Variants in PTPRT observed in about 807,000 individuals in gnomAD.
PTPRT encodes receptor-type tyrosine-protein phosphatase T.
In PTPRT, 56 loss-of-function variants were observed where a neutral mutation model predicts 176.8. That is an observed-to-expected ratio of 0.32 (90% CI 0.26 to 0.40). PTPRT has a LOEUF of 0.40. Ranked by LOEUF, PTPRT falls within the 10% of genes least tolerant of loss-of-function variation. The pLI is 1.00. For missense variants in PTPRT, 1,540 were observed against 1,908.2 expected (o/e 0.81, Z 3.60); for synonymous variants, 783 against 739.0 (o/e 1.06, Z -0.96).
chr20:43,084,188 T>A (rs1283511044), intron 1 of PTPRT, among the ~76,000 whole-genome samples: 1 of 152,202 alleles, frequency 6.6e-6, no homozygotes, highest in Non-Finnish European at 1.5e-5. Flanking sequence ...ACTGCCGAAC[T>A]GTTTTTCCAA....
intron 7 of PTPRT, among the ~76,000 whole-genome samples, chr20:42,633,096 G>A (rs1600509347): frequency 6.6e-6 from 1 of 152,132 alleles, no homozygotes; most frequent in East Asian, 1.9e-4. Flanking sequence ...CTCAGTTTGG[G>A]GAGAAACTCT....
intron 6 of PTPRT, among the ~76,000 whole-genome samples, chr20:42,717,587 A>AT (rs57436240): frequency 3.6e-4 from 54 of 150,276 alleles, no homozygotes; most frequent in South Asian, 2.1e-3. Context: ...GTGAGACAGG[A>AT]TTTTTTTTTT....
At chr20:42,153,595 G>A (rs1024945288) in intron 17 of PTPRT, among the ~76,000 whole-genome samples, 1 of 152,212 alleles carries the variant, frequency 6.6e-6, no homozygotes, top group Non-Finnish European at 1.5e-5. Context: ...GAAAGACTGA[G>A]TCTCTTCCCT....
chr20:42,201,913 C>G (rs1021144294), intron 15 of PTPRT, among the ~76,000 whole-genome samples: 1 of 149,090 alleles, frequency 6.7e-6, no homozygotes, highest in African/African-American at 2.5e-5. Context: ...GAAAGGGGAA[C>G]TGGATCCAGG....
At chr20:42,592,197 G>A (rs913728136) in intron 7 of PTPRT, among the ~76,000 whole-genome samples, 10 of 149,964 alleles carry the variant, frequency 6.7e-5, no homozygotes, top group Admixed American at 6.6e-5. Context: ...GGATGTTCTC[G>A]ATCTCCTGAC....
At chr20:42,617,071 G>A (rs2074095125) in intron 7 of PTPRT, among the ~76,000 whole-genome samples, 1 of 136,812 alleles carries the variant, frequency 7.3e-6, no homozygotes, top group South Asian at 2.3e-4. Flanking sequence ...TATTGGCTGT[G>A]GGTTTGTCAT....
At chr20:42,558,598 C>T (rs571350689) in intron 7 of PTPRT, among the ~76,000 whole-genome samples, 1 of 152,150 alleles carries the variant, frequency 6.6e-6, no homozygotes, top group African/African-American at 2.4e-5. Flanking sequence ...CCAGTCACTG[C>T]TGATCTTGAC....
At chr20:42,244,719 G>C (rs1260985490) in intron 14 of PTPRT, among the ~76,000 whole-genome samples, 1 of 152,150 alleles carries the variant, frequency 6.6e-6, no homozygotes, top group Non-Finnish European at 1.5e-5. Flanking sequence ...TATGAAACTT[G>C]TGTGCGCATA....
At chr20:42,571,537 G>T (rs1458053028) in intron 7 of PTPRT, among the ~76,000 whole-genome samples, 2 of 152,338 alleles carry the variant, frequency 1.3e-5, no homozygotes, top group East Asian at 3.9e-4. Context: ...TACGTTTGTG[G>T]TAATTTGCTA....
intron 9 of PTPRT, among the ~76,000 whole-genome samples, chr20:42,380,518 A>G (rs972316300): frequency 3.9e-5 from 6 of 152,222 alleles, no homozygotes; most frequent in Non-Finnish European, 7.3e-5. Context: ...ACTGGAACAG[A>G]GAATGTGTCT....
chr20:42,849,550 T>A (rs1397848), intron 2 of PTPRT, among the ~76,000 whole-genome samples: 1 of 152,128 alleles, frequency 6.6e-6, no homozygotes, highest in South Asian at 2.1e-4. Flanking sequence ...CCAAAACCCA[T>A]AGAGGTTCAT....
chr20:42,862,831 T>C (rs1227990661), intron 2 of PTPRT, among the ~76,000 whole-genome samples: 1 of 152,164 alleles, frequency 6.6e-6, no homozygotes, highest in East Asian at 1.9e-4. Flanking sequence ...TCTTAGGGAC[T>C]GGGTGGGTAA....
chr20:43,157,690 G>A (rs1372929229), intron 1 of PTPRT, among the ~76,000 whole-genome samples: 2 of 152,182 alleles, frequency 1.3e-5, no homozygotes, highest in Admixed American at 1.3e-4. Context: ...TGGTTTGGAT[G>A]GCAAGTTATA....
intron 16 of PTPRT, among the ~76,000 whole-genome samples, chr20:42,180,201 A>C (rs1990458319): frequency 6.6e-6 from 1 of 152,162 alleles, no homozygotes; most frequent in Admixed American, 6.5e-5. Context: ...AAGGATCTAA[A>C]TTTAGAGGAG....
At chr20:42,725,168 C>G (rs896739668) in intron 6 of PTPRT, among the ~76,000 whole-genome samples, 3 of 151,784 alleles carry the variant, frequency 2.0e-5, no homozygotes, top group African/African-American at 7.3e-5. Flanking sequence ...GCAGGGATCA[C>G]AGGCACACAC....
intron 9 of PTPRT, among the ~76,000 whole-genome samples, chr20:42,369,378 G>A (rs751546494): frequency 9.2e-5 from 14 of 152,158 alleles, no homozygotes; most frequent in Admixed American, 2.0e-4. Flanking sequence ...GAGAAGGAAC[G>A]CACTACCTGT....
chr20:42,063,788 A>C, the PTPRT span: 19 of 152,198 alleles, frequency 1.2e-4, no homozygotes, highest in Admixed American at 5.9e-4. Flanking sequence ...TCTCTTGGGG[A>C]AGTGGCTGGG....
intron 1 of PTPRT, among the ~76,000 whole-genome samples, chr20:43,025,038 T>C (rs1327926479): frequency 6.6e-6 from 1 of 152,224 alleles, no homozygotes. Flanking sequence ...AACACCTTCC[T>C]TGACTGACAG....
Position 43,100,560 on chromosome 20 carries a change from T to C in PTPRT, c.88+89086A>G, listed in dbSNP as rs376824428. Among the ~76,000 whole-genome samples the C allele has an allele frequency of 2.6e-5, 4 of 152,170 alleles. No homozygotes were observed. The South Asian group carries it at 8.3e-4, about 32-fold the overall frequency. ...GGCCTTGACATAGAACCTGAAGGAT[T>C]CCCCCAAGCCCTAGGGCTGTATCCA... On this transcript the variant is annotated intron_variant, in intron 1 of 30. Coordinates refer to ENST00000373187, the MANE Select transcript of PTPRT (RefSeq NM_007050.6).
Sources: allele counts gnomAD v4.1 joint callset (sites outside exome capture counted in the v4.1 genomes callset), GRCh38; gene constraint gnomAD v4.1.1; transcripts MANE v1.5; gene names NCBI Gene and HGNC (gene_info 2026-07-23, HGNC 2026-07-21).